Variants in MTMR14 observed in about 807,000 individuals in gnomAD.
MTMR14 encodes the protein myotubularin related protein 14, also known as phosphatidylinositol-3,5-bisphosphate 3-phosphatase MTMR14.
MTMR14 carries 48 observed loss-of-function variants against 86.3 expected under a neutral mutation model. The ratio of observed to expected loss-of-function variants is 0.56; its 90% CI spans 0.44 to 0.71. The LOEUF is 0.71. Among genes scored for constraint, MTMR14 ranks in the 30% least tolerant of loss-of-function variants. The probability of loss-of-function intolerance (pLI) is 0.00; values close to 1 mark genes in which losing one functional copy is unlikely to be tolerated. For synonymous variants in MTMR14, 366 were observed against 326.1 expected (o/e 1.12, Z -1.32); for missense variants, 780 against 834.6 (o/e 0.93, Z 0.81).
chr3:9,696,913 C>T (rs1026285472), intron 17 of MTMR14, among the ~76,000 whole-genome samples: 1 of 152,106 alleles, frequency 6.6e-6, no homozygotes, highest in Non-Finnish European at 1.5e-5. Context: ...CTATTGCCTC[C>T]CCGACCCACA....
chr3:9,702,200 C>A lies in MTMR14; in HGVS notation c.*227C>A, dbSNP rs974903504. The A allele has an allele frequency of 5.8e-5, 35 of 599,174 alleles. No homozygotes were observed. The Admixed American group carries it at 8.5e-4, about 15-fold the overall frequency. The allele number at this position is 599,174 out of a possible 1,614,324, so 37.1% of individuals were successfully genotyped here. A position where few individuals can be genotyped will look rare whatever the true frequency, so the allele number is the denominator to read the frequency against. ...ACCCCTTCTTGTCACTGTCTCCCAC[C>A]CACCCCATCTTTGCTGGGATTCCCA... On this transcript the variant is annotated 3_prime_UTR_variant, in exon 19 of 19. Coordinates refer to ENST00000296003, the MANE Select transcript of MTMR14 (RefSeq NM_001077525.3).
At chr3:9,689,196 G>T in intron 16 of MTMR14, 114 bp downstream of exon 16, 1 of 1,470,722 alleles carries the variant, frequency 6.8e-7, no homozygotes, top group Non-Finnish European at 9.2e-7. Flanking sequence ...GAAGAGCTGA[G>T]AGGATAGCTC....
intron 6 of MTMR14, 104 bp downstream of exon 6, chr3:9,671,274 G>C: frequency 6.6e-7 from 1 of 1,511,132 alleles, no homozygotes; most frequent in Non-Finnish European, 9.1e-7. Flanking sequence ...TTCTTACAAA[G>C]GGCTTTCTGT....
At chr3:9,675,549 A>G (rs1467330330) in intron 7 of MTMR14, 10 of 456,870 alleles carry the variant, frequency 2.2e-5, no homozygotes, top group Non-Finnish European at 4.4e-5. Context: ...CAGCACACCA[A>G]AATAGATGGT....
In MTMR14 at chr3:9,649,738, C is replaced by G. The variant is rs1047773264; in HGVS notation, c.155C>G (p.Ser52Cys). 6 of 1,613,200 alleles carry G rather than the reference C, an allele frequency of 3.7e-6. No homozygotes were observed. The highest frequency in any genetic ancestry group is 1.3e-5 in the African/African-American group (1 of 74,856). Residue 52 changes from serine (S) to cysteine (C), a missense_variant, in exon 1 of 19, where the codon TCT (serine) becomes TGT (cysteine). Coordinates refer to ENST00000296003, the MANE Select transcript of MTMR14 (RefSeq NM_001077525.3). ...AAGGATGGCAGCGGGACCGGCGGCT[C>G]TAAGGTGAGATTGGAGGTGCGATGA... is the stretch of plus-strand genomic sequence containing the variant. Reference protein sequence around the residue: ...RAKDGSGTGGSKVERIEKRCL... With the variant: ...RAKDGSGTGGCKVERIEKRCL...
In MTMR14 at chr3:9,676,680, A is replaced by G. The variant is rs934705344; in HGVS notation, c.752-637A>G. ...AAGCTGGGAATGTTGCCAAAGCCCT[A>G]TTCTCTCCAGTGTTTCTCTCTGTTC... On this transcript the variant is annotated intron_variant, in intron 7 of 18. Transcript: ENST00000296003. Among the ~76,000 whole-genome samples, 7 of 152,372 alleles carry G rather than the reference A, an allele frequency of 4.6e-5. No homozygotes were observed. The South Asian group carries it at 6.2e-4, about 14-fold the overall frequency.
intron 9 of MTMR14, among the ~76,000 whole-genome samples, chr3:9,681,665 C>A (rs565046665): frequency 1.3e-5 from 2 of 152,306 alleles, no homozygotes; most frequent in African/African-American, 4.8e-5. Flanking sequence ...GAGAGTCAGG[C>A]ACGAGCCTTG....
At chr3:9,694,369 A>G (rs2076222364) in intron 17 of MTMR14, among the ~76,000 whole-genome samples, 1 of 152,186 alleles carries the variant, frequency 6.6e-6, no homozygotes, top group Non-Finnish European at 1.5e-5. Context: ...TGGGTTGGGC[A>G]TGGTGGCTCA....
chr3:9,659,898 A>C (rs1295282340), intron 2 of MTMR14: 5 of 450,906 alleles, frequency 1.1e-5, no homozygotes, highest in Non-Finnish European at 2.2e-5. Context: ...TTTTAACAGA[A>C]GTTTAGCCTG....
chr3:9,670,400 GTGTGGATTAA>G (rs1419324569), intron 5 of MTMR14, among the ~76,000 whole-genome samples: 1 of 152,234 alleles, frequency 6.6e-6, no homozygotes, highest in Non-Finnish European at 1.5e-5. Flanking sequence ...CAACAAAGCA[GTGTGGATTAA>G]AAAATAAAAA....
At position 9,666,189 on chromosome 3, in the gene MTMR14, A is replaced by C. The variant is rs566972273; in HGVS notation, c.418-2530A>C. ...CTCTCCGTTGCCCAAGCTGGAGTGC[A>C]GTGGTGCCATCTTGGCTCACTGTAA... On this transcript the variant is annotated intron_variant, in intron 3 of 18. Transcript: ENST00000296003. 6.4e-4 allele frequency among the ~76,000 whole-genome samples: 90 copies of C among 140,412 alleles called. 2 individuals are homozygous for C. The East Asian group carries it at 0.018, about 29-fold the overall frequency. The allele number at this position is 140,412 out of a possible 152,430, so 92.1% of individuals were successfully genotyped here. A position where few individuals can be genotyped will look rare whatever the true frequency, so the allele number is the denominator to read the frequency against.
rs199974873 is a variant in MTMR14, at chr3:9,671,084, C to A, written c.591C>A (p.Gly197=). The A allele has an allele frequency of 6.2e-7, 1 of 1,614,192 alleles. No individual in the cohort carries two copies. Among genetic ancestry groups the A allele is most frequent in the Non-Finnish European group, 8.5e-7 (1 of 1,180,032 alleles). Residue 197 remains glycine, a synonymous_variant, in exon 6 of 19, where the codon GGC becomes GGA. Transcript: ENST00000296003. The part of the protein sequence containing the change: ...GDTHLFDKVR[G]YDIKLLRYLS... ...CGCATCTTTTTGATAAGGTCAGAGG[C>A]TATGACATCAAGCTGCTTCGATACC...
intron 7 of MTMR14, among the ~76,000 whole-genome samples, chr3:9,673,122 T>G (rs925866279): frequency 1.3e-5 from 2 of 152,228 alleles, no homozygotes; most frequent in Admixed American, 6.5e-5. Flanking sequence ...AAGTGTAAAA[T>G]GACATTATTA....
chr3:9,667,411 G>C (rs1264794153), intron 3 of MTMR14, among the ~76,000 whole-genome samples: 1 of 152,172 alleles, frequency 6.6e-6, no homozygotes, highest in Non-Finnish European at 1.5e-5. Flanking sequence ...GAAATCCCTG[G>C]AAATGTAAGT....
intron 10 of MTMR14, 121 bp from the exon 11 acceptor site, chr3:9,684,463 CT>C: frequency 1.1e-6 from 1 of 904,486 alleles, no homozygotes; most frequent in Non-Finnish European, 1.9e-6. Flanking sequence ...GGGGAGGCCA[CT>C]GGGGAAGACA....
At chr3:9,668,292 A>G (rs138960878) in intron 3 of MTMR14, among the ~76,000 whole-genome samples, 1 of 152,342 alleles carries the variant, frequency 6.6e-6, no homozygotes, top group East Asian at 1.9e-4. Context: ...CCCTCATTAT[A>G]TGACCTTACA....
intron 4 of MTMR14, 25 bp from the exon 5 acceptor site, chr3:9,669,407 A>C: frequency 6.2e-7 from 1 of 1,613,122 alleles, no homozygotes; most frequent in Non-Finnish European, 8.5e-7. Flanking sequence ...CAGCCTCAGT[A>C]CTGACAGATA....
At chr3:9,664,629 A>G (rs2048146592) in intron 3 of MTMR14, among the ~76,000 whole-genome samples, 1 of 152,182 alleles carries the variant, frequency 6.6e-6, no homozygotes, top group African/African-American at 2.4e-5. Flanking sequence ...TCATTATGTT[A>G]AGTGAAATAA....
Position 9,701,920 on chromosome 3 carries a change from G to C in MTMR14, c.1900G>C (p.Glu634Gln), listed in dbSNP as rs751079388. The change falls in exon 19 of 19, where the codon GAG (glutamate) becomes CAG (glutamine). Residue 634 changes from glutamate to glutamine, a missense_variant. Coordinates refer to ENST00000296003, the MANE Select transcript of MTMR14 (RefSeq NM_001077525.3). This position sits in a 1 kb window ranked among gnomAD's most constrained non-coding sequence, Gnocchi z 4.2. ...SPSGAIGGLL[E>Q]QFARGVGLRS... ...TTCCGGTGCCATCGGGGGCCTGCTG[G>C]AGCAATTTGCCCGTGGTGTTGGACT... 11 of 1,614,200 alleles carry C rather than the reference G, an allele frequency of 6.8e-6. No homozygotes were observed. The South Asian group carries it at 7.7e-5, about 11-fold the overall frequency.
Sources: allele counts gnomAD v4.1 joint callset (sites outside exome capture counted in the v4.1 genomes callset), GRCh38; gene constraint gnomAD v4.1.1; non-coding constraint Gnocchi (gnomAD v3.1); transcripts MANE v1.5; gene names NCBI Gene and HGNC (gene_info 2026-07-23, HGNC 2026-07-21).